PIK3C2G: variants seen among roughly 807,000 people sequenced by gnomAD.
PIK3C2G encodes phosphatidylinositol-4-phosphate 3-kinase catalytic subunit type 2 gamma.
Under a neutral mutation model 181.1 loss-of-function variants are expected in PIK3C2G, and 168 were observed. The observed-to-expected ratio is 0.93, with a 90% confidence interval of 0.82 to 1.05. The LOEUF (loss-of-function observed/expected upper bound fraction) is 1.05, where lower values mean the gene tolerates loss of function less well. PIK3C2G is among the 50% of genes least tolerant of loss of function. The probability of loss-of-function intolerance (pLI) is 0.00; values close to 1 mark genes in which losing one functional copy is unlikely to be tolerated. For missense variants in PIK3C2G, 1,869 were observed against 1,732.8 expected, an observed-to-expected ratio of 1.08 and a Z score of -1.40; for synonymous variants, 573 against 592.2, an observed-to-expected ratio of 0.97 and a Z score of 0.47.
At position 18,478,424 on chromosome 12, in the gene PIK3C2G, A is replaced by G. The variant is rs933821558; in HGVS notation, c.2505-10025A>G. Among the ~76,000 whole-genome samples the G allele has an allele frequency of 2.6e-5, 4 of 152,112 alleles. No individual in the cohort carries two copies. The East Asian group carries it at 5.8e-4, about 22-fold the overall frequency. ...CAAGATTCTTAGGTTCGCAAATGCA[A>G]TCAGTGTATTGCTTTCAATGTGGCC... On this transcript the variant is annotated intron_variant, in intron 18 of 32. Coordinates refer to ENST00000538779, the MANE Select transcript of PIK3C2G (RefSeq NM_001288772.2).
At chr12:18,442,719 A>G (rs1184137825) in intron 18 of PIK3C2G, among the ~76,000 whole-genome samples, 5 of 152,220 alleles carry the variant, frequency 3.3e-5, no homozygotes, top group African/African-American at 1.2e-4. Flanking sequence ...TTCTTCAGAT[A>G]TTAACAACAT....
intron 29 of PIK3C2G, among the ~76,000 whole-genome samples, chr12:18,586,760 C>T (rs895159300): frequency 6.6e-6 from 1 of 151,948 alleles, no homozygotes; most frequent in Non-Finnish European, 1.5e-5. Context: ...AGAGACACAA[C>T]AAATAAAGAA....
intron 18 of PIK3C2G, among the ~76,000 whole-genome samples, chr12:18,476,908 G>A (rs1309992055): frequency 6.6e-6 from 1 of 152,036 alleles, no homozygotes; most frequent in Non-Finnish European, 1.5e-5. Context: ...AACTGTATCA[G>A]TCTGCTAGGG....
chr12:18,617,334 ACT>A (rs372541096), intron 31 of PIK3C2G, among the ~76,000 whole-genome samples: 32 of 152,090 alleles, frequency 2.1e-4, no homozygotes, highest in Non-Finnish European at 3.5e-4. Context: ...GGAACTATAG[ACT>A]CTCTGACTTT....
At chr12:18,424,159 C>T in intron 18 of PIK3C2G, 120 bp downstream of exon 18, 3 of 603,472 alleles carry the variant, frequency 5.0e-6, no homozygotes, top group Non-Finnish European at 8.9e-6. Context: ...AAAATTCAGG[C>T]AGTTTTGAGT....
intron 16 of PIK3C2G, 23 bp from the exon 17 acceptor site, chr12:18,420,918 T>C (rs373186845): frequency 1.3e-4 from 157 of 1,249,488 alleles, no homozygotes; most frequent in Non-Finnish European, 1.8e-4. Context: ...AACAGCTTAG[T>C]GGATATATTT....
intron 26 of PIK3C2G, among the ~76,000 whole-genome samples, chr12:18,555,006 G>A (rs1473286995): frequency 6.6e-6 from 1 of 152,092 alleles, no homozygotes; most frequent in Non-Finnish European, 1.5e-5. Context: ...TCAGTCAATT[G>A]CAACTCTTCC....
intron 18 of PIK3C2G, among the ~76,000 whole-genome samples, chr12:18,430,241 C>T (rs546724676): frequency 1.2e-4 from 18 of 152,248 alleles, no homozygotes; most frequent in African/African-American, 3.9e-4. Flanking sequence ...GGTAGAACAA[C>T]AGTATTGCAG....
chr12:18,511,556 T>G (rs1460652438), intron 24 of PIK3C2G, among the ~76,000 whole-genome samples: 1 of 152,144 alleles, frequency 6.6e-6, no homozygotes, highest in South Asian at 2.1e-4. Context: ...TCTAATCGCA[T>G]TTCCTTGATA....
chr12:18,716,631 T>C, the PIK3C2G span, among the ~76,000 whole-genome samples: 4 of 152,314 alleles, frequency 2.6e-5, no homozygotes, highest in East Asian at 7.7e-4. Context: ...CTAGGAAACT[T>C]ACAGGTGATA....
chr12:18,413,263 A>T (rs11044085), intron 16 of PIK3C2G, among the ~76,000 whole-genome samples: 32,187 of 152,018 alleles, frequency 0.21, 3,630 homozygotes, highest in Admixed American at 0.33. Flanking sequence ...CTTGGAGGCC[A>T]ATTAAATCCT....
intron 18 of PIK3C2G, among the ~76,000 whole-genome samples, chr12:18,436,541 T>C (rs970145153): frequency 6.6e-6 from 1 of 152,004 alleles, no homozygotes; most frequent in African/African-American, 2.4e-5. Flanking sequence ...GGACAAAACT[T>C]AACCATCTAT....
intron 20 of PIK3C2G, among the ~76,000 whole-genome samples, chr12:18,495,468 T>C (rs1940929172): frequency 6.6e-6 from 1 of 151,956 alleles, no homozygotes; most frequent in Admixed American, 6.6e-5. Flanking sequence ...TAAAGAAAAA[T>C]GTAAGGATTT....
chr12:18,379,009 A>C (rs1467478728), intron 13 of PIK3C2G, among the ~76,000 whole-genome samples: 1 of 152,146 alleles, frequency 6.6e-6, no homozygotes, highest in Non-Finnish European at 1.5e-5. Flanking sequence ...CCATCCCATT[A>C]CTGGGTATAT....
At chr12:18,680,372 C>T in the PIK3C2G span, among the ~76,000 whole-genome samples, 2 of 151,978 alleles carry the variant, frequency 1.3e-5, no homozygotes, top group East Asian at 1.9e-4. Context: ...AAGACACTCC[C>T]TTATATCCAA....
At chr12:18,374,535 G>A (rs1942302253) in intron 13 of PIK3C2G, among the ~76,000 whole-genome samples, 1 of 151,530 alleles carries the variant, frequency 6.6e-6, no homozygotes, top group East Asian at 1.9e-4. Flanking sequence ...AGGCTACTTA[G>A]AATAGAACAA....
chr12:18,476,774 TG>T (rs1357043029), intron 18 of PIK3C2G, among the ~76,000 whole-genome samples: 1 of 151,874 alleles, frequency 6.6e-6, no homozygotes, highest in Admixed American at 6.6e-5. Flanking sequence ...AAGCAGGTAT[TG>T]GGGAGAATGA....
the PIK3C2G span, among the ~76,000 whole-genome samples, chr12:18,684,756 TG>T: frequency 6.6e-6 from 1 of 152,050 alleles, no homozygotes; most frequent in Non-Finnish European, 1.5e-5. Context: ...GTCCTTGATA[TG>T]GTTAAGCTTT....
intron 1 of PIK3C2G, among the ~76,000 whole-genome samples, chr12:18,266,665 C>A (rs1045941615): frequency 6.6e-6 from 1 of 152,094 alleles, no homozygotes; most frequent in African/African-American, 2.4e-5. Context: ...ATACAAAAGA[C>A]AAACTGAATG....
Sources: allele counts gnomAD v4.1 joint callset (sites outside exome capture counted in the v4.1 genomes callset), GRCh38; gene constraint gnomAD v4.1.1; transcripts MANE v1.5; gene names NCBI Gene and HGNC (gene_info 2026-07-23, HGNC 2026-07-21).